Variants in TPX2 observed in about 807,000 individuals in gnomAD.
TPX2 encodes TPX2 microtubule nucleation factor.
Under a neutral mutation model 93.6 loss-of-function variants are expected in TPX2, and 21 were observed. The ratio of observed to expected loss-of-function variants is 0.22; its 90% CI spans 0.16 to 0.32. The LOEUF is 0.32. Ranked by LOEUF, TPX2 falls within the 10% of genes least tolerant of loss-of-function variation. TPX2 has a pLI of 1.00. For missense variants in TPX2, 776 were observed against 871.1 expected (o/e 0.89, Z 1.37); for synonymous variants, 281 against 298.3 (o/e 0.94, Z 0.60).
At chr20:31,754,468 A>G (rs1355760138) in intron 2 of TPX2, among the ~76,000 whole-genome samples, 1 of 152,192 alleles carries the variant, frequency 6.6e-6, no homozygotes, top group African/African-American at 2.4e-5. Flanking sequence ...GTTGGGAGTA[A>G]CTAATCTCAT....
intron 15 of TPX2, among the ~76,000 whole-genome samples, chr20:31,796,946 A>G (rs1413595249): frequency 2.0e-5 from 3 of 151,956 alleles, no homozygotes; most frequent in Non-Finnish European, 4.4e-5. Flanking sequence ...CAGGGTAATT[A>G]GCATATCCAT....
chr20:31,792,349 ACT>A (rs1184146755), intron 12 of TPX2, among the ~76,000 whole-genome samples: 1 of 152,128 alleles, frequency 6.6e-6, no homozygotes, highest in Non-Finnish European at 1.5e-5. Context: ...ACAGGGTGAG[ACT>A]CTGTCTCAAA....
intron 12 of TPX2, among the ~76,000 whole-genome samples, chr20:31,786,342 A>G (rs2062065577): frequency 6.6e-6 from 1 of 151,224 alleles, no homozygotes; most frequent in Admixed American, 6.6e-5. Context: ...AAAAAAAAAC[A>G]ACAGTCTACA....
chr20:31,741,730 C>T (rs1033909855), intron 1 of TPX2, among the ~76,000 whole-genome samples: 7 of 152,130 alleles, frequency 4.6e-5, no homozygotes, highest in African/African-American at 7.2e-5. Context: ...CTGCCTGCCT[C>T]GGCCTCCCAA....
chr20:31,794,331 C>G, intron 14 of TPX2, 71 bp from the exon 15 acceptor site: 2 of 1,546,530 alleles, frequency 1.3e-6, no homozygotes, highest in East Asian at 4.5e-5. Context: ...CAGATTCTTC[C>G]AGATATTCTG....
intron 12 of TPX2, among the ~76,000 whole-genome samples, chr20:31,789,986 T>C (rs1430565793): frequency 1.3e-5 from 2 of 152,246 alleles, no homozygotes; most frequent in Admixed American, 1.3e-4. Flanking sequence ...CTGATGTGTT[T>C]AAGGTTATAC....
At chr20:31,742,909 C>G (rs2061761316) in intron 2 of TPX2, among the ~76,000 whole-genome samples, 2 of 152,008 alleles carry the variant, frequency 1.3e-5, no homozygotes, top group Non-Finnish European at 1.5e-5. Flanking sequence ...AAGACCTTCC[C>G]AGGATATCAA....
At chr20:31,758,500 A>G (rs1300662612) in intron 3 of TPX2, among the ~76,000 whole-genome samples, 1 of 152,208 alleles carries the variant, frequency 6.6e-6, no homozygotes, top group Non-Finnish European at 1.5e-5. Context: ...ATGGTAAGTA[A>G]GAATGTGGTT....
chr20:31,794,367 C>G lies in TPX2; in HGVS notation c.1687-35C>G. On this transcript the variant is annotated intron_variant, in intron 14 of 17. Coordinates refer to ENST00000300403, the MANE Select transcript of TPX2 (RefSeq NM_012112.5). ...GAGCAGCTATTGCTTTCCAGCTAGT[C>G]TTTATCTTAAACCTCATGTTTTCTT... 3 of 1,604,536 alleles carry G rather than the reference C, an allele frequency of 1.9e-6. No homozygotes were observed. In the South Asian group the frequency reaches 3.4e-5, roughly 18 times the overall value.
At chr20:31,766,713 A>G in intron 5 of TPX2, 31 bp downstream of exon 5, 1 of 1,595,794 alleles carries the variant, frequency 6.3e-7, no homozygotes, top group South Asian at 1.1e-5. Flanking sequence ...AGTGGTGGTT[A>G]TGATAATAAT....
chr20:31,789,716 T>C (rs1368858089), intron 12 of TPX2, among the ~76,000 whole-genome samples: 1 of 152,126 alleles, frequency 6.6e-6, no homozygotes, highest in Non-Finnish European at 1.5e-5. Context: ...GGGGCTGGGG[T>C]GTGAGTGGAT....
At chr20:31,767,935 CT>C (rs60084722) in intron 5 of TPX2, among the ~76,000 whole-genome samples, 40,501 of 139,484 alleles carry the variant, frequency 0.29, 6,488 homozygotes, top group African/African-American at 0.47. Context: ...AAAATTTCAT[CT>C]TTTTTTTTTT....
At chr20:31,768,277 C>T (rs1461518397) in intron 5 of TPX2, among the ~76,000 whole-genome samples, 1 of 149,976 alleles carries the variant, frequency 6.7e-6, no homozygotes, top group Non-Finnish European at 1.5e-5. Context: ...CGCTCTGTCG[C>T]CCAGGCTGGA....
rs1600371615 is a variant in TPX2, at chr20:31,767,276, T to C, written c.356+594T>C. Reference sequence around the variant, plus strand: ...TTTATTTCAGAGCCAAGATTCAAACTCTTATCAATCTGTTTCCAAAGGCCT... The same window carrying C: ...TTTATTTCAGAGCCAAGATTCAAACCCTTATCAATCTGTTTCCAAAGGCCT... On this transcript the variant is annotated intron_variant, in intron 5 of 17. Transcript: ENST00000300403. Among the ~76,000 whole-genome samples, 2 of 152,344 alleles carry C rather than the reference T, an allele frequency of 1.3e-5. 1 individual carries two copies. The highest frequency in any genetic ancestry group is 4.1e-4 in the South Asian group (2 of 4,824).
intron 2 of TPX2, among the ~76,000 whole-genome samples, chr20:31,744,019 C>T (rs2061768765): frequency 6.6e-6 from 1 of 151,812 alleles, no homozygotes; most frequent in Non-Finnish European, 1.5e-5. Flanking sequence ...CCGTGCCTGG[C>T]CTTGCAGTTT....
chr20:31,773,929 T>C (rs1336182890), intron 7 of TPX2, among the ~76,000 whole-genome samples: 1 of 151,926 alleles, frequency 6.6e-6, no homozygotes, highest in Non-Finnish European at 1.5e-5. Context: ...TGGAGTGCAG[T>C]GGTGAGATCT....
chr20:31,759,954 G>A, intron 3 of TPX2, 103 bp from the exon 4 acceptor site: 1 of 1,476,534 alleles, frequency 6.8e-7, no homozygotes. Context: ...CACATGAGTT[G>A]GAAGTGTACT....
At chr20:31,799,044 G>A (rs1168003554) in intron 17 of TPX2, among the ~76,000 whole-genome samples, 1 of 152,192 alleles carries the variant, frequency 6.6e-6, no homozygotes, top group Non-Finnish European at 1.5e-5. Flanking sequence ...AGAATACATA[G>A]CGAAGGACAT....
At position 31,771,619 on chromosome 20, in the gene TPX2, A is replaced by C; in HGVS notation, c.545A>C (p.Lys182Thr). ...AGTGCTCATCAAGATACTGCTGAAAAGAATGCATCTTCCCCAGAGAAAGCC... is the reference window on the plus strand; with the variant it reads ...AGTGCTCATCAAGATACTGCTGAAACGAATGCATCTTCCCCAGAGAAAGCC... ...EGSAHQDTAE[K>T]NASSPEKAKG... The change falls in exon 7 of 18, where the codon AAG becomes ACG. Residue 182 changes from lysine (K) to threonine (T), a missense_variant. Lys to Thr is a moderately conservative substitution (Grantham distance 78, BLOSUM62 -1). Transcript: ENST00000300403. 1 of 1,614,060 alleles carries C rather than the reference A, an allele frequency of 6.2e-7. No individual in the cohort carries two copies. The highest frequency in any genetic ancestry group is 8.5e-7 in the Non-Finnish European group (1 of 1,179,978).
Sources: gnomAD v4.1 joint callset for allele counts (sites outside exome capture counted in the v4.1 genomes callset) on GRCh38, gnomAD v4.1.1 for gene constraint, MANE v1.5 for transcripts, NCBI Gene and HGNC (gene_info 2026-07-23, HGNC 2026-07-21) for gene names.